MTREX: variants seen among roughly 807,000 people sequenced by gnomAD.
The protein encoded by MTREX is exosome RNA helicase MTR4.
A neutral mutation model predicts 135.4 loss-of-function variants in MTREX; 76 were observed. That is an observed-to-expected ratio of 0.56 (90% confidence interval 0.47 to 0.68). The LOEUF is 0.68. MTREX is among the 30% of genes least tolerant of loss of function. MTREX has a pLI of 0.00. For synonymous variants in MTREX, 404 were observed against 401.6 expected (o/e 1.01, Z -0.07); for missense variants, 920 against 1,262.1 (o/e 0.73, Z 4.11).
intron 16 of MTREX, among the ~76,000 whole-genome samples, chr5:55,376,736 A>G (rs1750306969): frequency 6.6e-6 from 1 of 152,140 alleles, no homozygotes; most frequent in Non-Finnish European, 1.5e-5. Context: ...TGTCCCTTCC[A>G]TAGATTTTTT....
chr5:55,373,464 T>G (rs993638820), intron 16 of MTREX, among the ~76,000 whole-genome samples: 27 of 152,188 alleles, frequency 1.8e-4, no homozygotes, highest in Admixed American at 3.9e-4. Flanking sequence ...AAACAAAAAT[T>G]TATTTGTTGA....
intron 5 of MTREX, among the ~76,000 whole-genome samples, chr5:55,332,209 C>T (rs1749490022): frequency 6.6e-6 from 1 of 152,090 alleles, no homozygotes. Flanking sequence ...TTTGATGGAA[C>T]TGGGCCATTC....
chr5:55,321,603 ATT>A (rs570546421), intron 1 of MTREX, among the ~76,000 whole-genome samples: 4 of 103,098 alleles, frequency 3.9e-5, no homozygotes, highest in Admixed American at 2.0e-4. Context: ...CCAAACATCT[ATT>A]TTTTTTTTTT....
At chr5:55,351,209 A>T (rs1749822352) in intron 13 of MTREX, among the ~76,000 whole-genome samples, 180 bp downstream of exon 13, 1 of 149,146 alleles carries the variant, frequency 6.7e-6, no homozygotes, top group African/African-American at 2.5e-5. Context: ...AAGTGTAGGT[A>T]AAAAAAAAAC....
At chr5:55,423,034 A>C (rs1751079046) in intron 26 of MTREX, 52 bp downstream of exon 26, 1 of 1,432,128 alleles carries the variant, frequency 7.0e-7, no homozygotes, top group African/African-American at 1.4e-5. Context: ...TTGGTGAAGC[A>C]AATCTTGAGC....
rs759469617 is a variant in MTREX, at chr5:55,328,728, A to G, written c.432A>G (p.Gln144=). The G allele has an allele frequency of 1.2e-6, 2 of 1,613,304 alleles. No individual in the cohort carries two copies. The highest frequency in any genetic ancestry group is 2.2e-5 in the East Asian group (1 of 44,836). Residue 144 remains glutamine, a synonymous_variant, in exon 5 of 27, where the codon CAA becomes CAG. Coordinates refer to ENST00000230640, the MANE Select transcript of MTREX (RefSeq NM_015360.5). ...KEYPFILDAF[Q]REAIQCVDNN... is the part of the protein sequence containing the mutation. ...ACCCGTTCATTCTTGATGCTTTTCA[A>G]AGAGAGGCCATTCAGTGTGTTGACA... is the stretch of plus-strand genomic sequence containing the variant.
chr5:55,371,774 T>C (rs1750207526), intron 16 of MTREX, among the ~76,000 whole-genome samples: 1 of 152,074 alleles, frequency 6.6e-6, no homozygotes, highest in Non-Finnish European at 1.5e-5. Flanking sequence ...GAGAAAAGAT[T>C]AGAGAAACTG....
intron 18 of MTREX, among the ~76,000 whole-genome samples, chr5:55,381,543 GT>G (rs1750396331): frequency 6.6e-6 from 1 of 152,058 alleles, no homozygotes; most frequent in African/African-American, 2.4e-5. Flanking sequence ...GAGTGTTAAT[GT>G]TCACATACTT....
chr5:55,369,908 CTTTTTTCTTTTTTT>C (rs1157138337), intron 16 of MTREX, among the ~76,000 whole-genome samples: 8 of 120,896 alleles, frequency 6.6e-5, no homozygotes, highest in South Asian at 2.5e-4. Context: ...TTTTTCTTTT[CTTTTTTCTTTTTTT>C]TTTTTTCTTT....
intron 15 of MTREX, among the ~76,000 whole-genome samples, chr5:55,360,030 A>G (rs1190236377): frequency 2.0e-5 from 3 of 152,144 alleles, no homozygotes; most frequent in African/African-American, 7.2e-5. Flanking sequence ...ACCACAATCA[A>G]TTTTAGAATA....
chr5:55,392,453 GACTT>G (rs1750585159), intron 19 of MTREX, among the ~76,000 whole-genome samples: 4 of 150,298 alleles, frequency 2.7e-5, no homozygotes, highest in Non-Finnish European at 5.9e-5. Context: ...TGAGGCAGGA[GACTT>G]ACTTGAACCC....
intron 22 of MTREX, among the ~76,000 whole-genome samples, chr5:55,408,627 G>C (rs1406722209): frequency 6.6e-6 from 1 of 152,124 alleles, no homozygotes; most frequent in East Asian, 1.9e-4. Flanking sequence ...ATACAGTACA[G>C]TTATTGTATG....
chr5:55,368,634 T>C (rs1374130295), intron 16 of MTREX, among the ~76,000 whole-genome samples: 2 of 152,154 alleles, frequency 1.3e-5, no homozygotes, highest in East Asian at 3.9e-4. Context: ...CTCTGTCGCC[T>C]AGGCTGGAGT....
At chr5:55,395,234 C>T (rs906851043) in intron 19 of MTREX, among the ~76,000 whole-genome samples, 18 of 151,630 alleles carry the variant, frequency 1.2e-4, no homozygotes, top group Admixed American at 6.6e-4. Context: ...GGCGAAACCC[C>T]GTCTCTACTA....
chr5:55,321,964 T>G (rs139254144), intron 1 of MTREX, among the ~76,000 whole-genome samples: 125 of 152,332 alleles, frequency 8.2e-4, no homozygotes, highest in African/African-American at 2.7e-3. Context: ...CAAAAAATTT[T>G]CTTCCAAATA....
At chr5:55,354,650 T>A (rs1419002754) in intron 14 of MTREX, among the ~76,000 whole-genome samples, 1 of 108,360 alleles carries the variant, frequency 9.2e-6, no homozygotes, top group Non-Finnish European at 1.8e-5. Context: ...GGCCAGAACT[T>A]CTTGGGTCAG....
chr5:55,380,164 A>G (rs1057068883), intron 18 of MTREX, among the ~76,000 whole-genome samples: 20 of 150,492 alleles, frequency 1.3e-4, no homozygotes, highest in Non-Finnish European at 1.5e-4. Context: ...ATGGTCTCGA[A>G]CTCCTGACCT....
chr5:55,372,892 ATGTGTGTGTGTGTGTGTG>A (rs59026723), intron 16 of MTREX, among the ~76,000 whole-genome samples: 56 of 120,990 alleles, frequency 4.6e-4, no homozygotes, highest in Middle Eastern at 4.0e-3. Flanking sequence ...TAAAACTGTA[ATGTGTGTGTGTGTGTGTG>A]TGTGTGTGTG....
chr5:55,391,984 A>G (rs1750574396), intron 19 of MTREX, among the ~76,000 whole-genome samples: 1 of 151,988 alleles, frequency 6.6e-6, no homozygotes, highest in South Asian at 2.1e-4. Flanking sequence ...TCCCACTACA[A>G]ACCTCAGTGT....
Sources: gnomAD v4.1 joint callset for allele counts (sites outside exome capture counted in the v4.1 genomes callset) on GRCh38, gnomAD v4.1.1 for gene constraint, MANE v1.5 for transcripts, NCBI Gene and HGNC (gene_info 2026-07-23, HGNC 2026-07-21) for gene names.